CDH12: variants seen among roughly 807,000 people sequenced by gnomAD.
CDH12 encodes cadherin-12.
CDH12 carries 41 observed loss-of-function variants against 74.1 expected under a neutral mutation model. That is an observed-to-expected ratio of 0.55 (90% CI 0.43 to 0.72). CDH12 has a LOEUF of 0.72. Ranked by LOEUF, CDH12 falls within the 30% of genes least tolerant of loss-of-function variation. The pLI, the probability that CDH12 is intolerant of heterozygous loss-of-function variation, is 0.00. For missense variants in CDH12, 945 were observed against 977.2 expected, an observed-to-expected ratio of 0.97 and a Z score of 0.44; for synonymous variants, 399 against 355.0, an observed-to-expected ratio of 1.12 and a Z score of -1.39.
intron 4 of CDH12, among the ~76,000 whole-genome samples, chr5:22,149,647 C>T (rs1747436767): frequency 6.6e-6 from 1 of 152,156 alleles, no homozygotes. Context: ...ATCTAATCTC[C>T]AACCTCAACA....
intron 3 of CDH12, among the ~76,000 whole-genome samples, chr5:22,271,016 T>C (rs1393473573): frequency 6.6e-6 from 1 of 152,094 alleles, no homozygotes; most frequent in East Asian, 1.9e-4. Context: ...ATATTCTTTA[T>C]ACTTGGAAAA....
chr5:22,072,937 G>A (rs888297475), intron 5 of CDH12, among the ~76,000 whole-genome samples: 1 of 152,082 alleles, frequency 6.6e-6, no homozygotes, highest in African/African-American at 2.4e-5. Flanking sequence ...ACTGGGTGTT[G>A]AGATATGTGG....
intron 1 of CDH12, among the ~76,000 whole-genome samples, chr5:22,786,741 G>A (rs1236453233): frequency 6.7e-6 from 1 of 149,772 alleles, no homozygotes; most frequent in Non-Finnish European, 1.5e-5. Context: ...TTTTTGAGAT[G>A]GTGTTTCACT....
chr5:21,790,492 A>G (rs557474885), intron 10 of CDH12, among the ~76,000 whole-genome samples: 3 of 152,068 alleles, frequency 2.0e-5, no homozygotes, highest in Non-Finnish European at 2.9e-5. Context: ...CATGAAGCAC[A>G]GTAATTTTTT....
At chr5:21,956,964 T>C (rs1756128909) in intron 6 of CDH12, among the ~76,000 whole-genome samples, 1 of 151,996 alleles carries the variant, frequency 6.6e-6, no homozygotes, top group Non-Finnish European at 1.5e-5. Context: ...AAGTTTGTTA[T>C]ATAGGTAAAC....
intron 6 of CDH12, among the ~76,000 whole-genome samples, chr5:21,923,555 C>G (rs1418136009): frequency 6.6e-6 from 1 of 152,096 alleles, no homozygotes; most frequent in East Asian, 1.9e-4. Context: ...TCAAATACCT[C>G]AGGGTATCTG....
intron 1 of CDH12, among the ~76,000 whole-genome samples, chr5:22,564,695 T>C (rs1229145311): frequency 6.6e-6 from 1 of 152,216 alleles, no homozygotes; most frequent in Non-Finnish European, 1.5e-5. Flanking sequence ...TACTCATCTT[T>C]GGACTTCTTT....
intron 8 of CDH12, among the ~76,000 whole-genome samples, chr5:21,820,131 C>T (rs1359176405): frequency 1.3e-5 from 2 of 151,820 alleles, no homozygotes; most frequent in Non-Finnish European, 2.9e-5. Flanking sequence ...CAAAGGGCAT[C>T]AGATAATTCA....
chr5:22,760,972 TC>T (rs1360174783), intron 1 of CDH12, among the ~76,000 whole-genome samples: 3 of 152,154 alleles, frequency 2.0e-5, no homozygotes. Flanking sequence ...TAAAATACTC[TC>T]CATCACTCAT....
intron 11 of CDH12, among the ~76,000 whole-genome samples, chr5:21,782,360 C>T (rs961785610): frequency 2.6e-5 from 4 of 152,102 alleles, no homozygotes; most frequent in Admixed American, 6.5e-5. Context: ...AAAGATATCA[C>T]GAAGATGTGG....
chr5:22,585,446 T>G (rs1740337000), intron 1 of CDH12, among the ~76,000 whole-genome samples: 1 of 152,190 alleles, frequency 6.6e-6, no homozygotes, highest in South Asian at 2.1e-4. Context: ...CTTTAAACAC[T>G]TCAGGACAAT....
intron 7 of CDH12, among the ~76,000 whole-genome samples, chr5:21,846,546 A>G (rs1201031803): frequency 6.6e-6 from 1 of 151,960 alleles, no homozygotes; most frequent in Non-Finnish European, 1.5e-5. Context: ...GTTCACTGTA[A>G]ATTTATTATT....
At chr5:21,822,820 G>A (rs569212312) in intron 8 of CDH12, among the ~76,000 whole-genome samples, 34 of 152,056 alleles carry the variant, frequency 2.2e-4, no homozygotes, top group East Asian at 7.7e-4. Context: ...CACAATATCC[G>A]TCATATTAAT....
intron 4 of CDH12, among the ~76,000 whole-genome samples, chr5:22,209,405 T>C (rs1751403943): frequency 6.6e-6 from 1 of 152,224 alleles, no homozygotes; most frequent in African/African-American, 2.4e-5. Flanking sequence ...ACAGTTAGTT[T>C]CTCTACCTTT....
At chr5:22,620,700 T>C (rs1266903023) in intron 1 of CDH12, among the ~76,000 whole-genome samples, 2 of 152,160 alleles carry the variant, frequency 1.3e-5, no homozygotes, top group South Asian at 4.1e-4. Flanking sequence ...GCCTGTGTCA[T>C]AGAATTAGTG....
intron 2 of CDH12, among the ~76,000 whole-genome samples, chr5:22,494,053 G>C (rs781226715): frequency 1.8e-4 from 27 of 152,196 alleles, no homozygotes; most frequent in Non-Finnish European, 3.4e-4. Flanking sequence ...CAAATTGGGA[G>C]GGCTGTGGTT....
chr5:22,068,905 T>A (rs1741746159), intron 5 of CDH12, among the ~76,000 whole-genome samples: 1 of 152,170 alleles, frequency 6.6e-6, no homozygotes, highest in Admixed American at 6.5e-5. Flanking sequence ...TAGCCACTGC[T>A]GAAGACCTAA....
At chr5:22,102,883 T>A (rs1002267456) in intron 4 of CDH12, among the ~76,000 whole-genome samples, 1 of 152,016 alleles carries the variant, frequency 6.6e-6, no homozygotes, top group Non-Finnish European at 1.5e-5. Context: ...AGCAAGAAGA[T>A]CCTCATCAGA....
rs77143628 is a variant in CDH12 at position 22,775,261 on chromosome 5, A to C, written c.-523+77797T>G. 2.4e-3 allele frequency among the ~76,000 whole-genome samples: 358 copies of C among 152,146 alleles called. 2 individuals are homozygous for C. The highest frequency in any genetic ancestry group is 3.6e-3 in the Non-Finnish European group (248 of 68,006). On this transcript the variant is annotated intron_variant, in intron 1 of 14. Transcript: ENST00000382254. ...ACCTTAACATTTATCATTGTTACAC[A>C]GGAGTTACAGGTTAAAAGATACCAC...
Sources: gnomAD v4.1 joint callset for allele counts (sites outside exome capture counted in the v4.1 genomes callset) on GRCh38, gnomAD v4.1.1 for gene constraint, MANE v1.5 for transcripts, NCBI Gene and HGNC (gene_info 2026-07-23, HGNC 2026-07-21) for gene names.